The following INTS4 variants were observed in gnomAD, a reference collection of about 807,000 sequenced individuals.
The protein encoded by INTS4 is MSTP093.
A neutral mutation model predicts 119.5 loss-of-function variants in INTS4; 70 were observed. The ratio of observed to expected loss-of-function variants is 0.59; its 90% CI spans 0.48 to 0.71. The LOEUF is 0.71. Among genes scored for constraint, INTS4 ranks in the 30% least tolerant of loss-of-function variants. INTS4 has a pLI of 0.00. For missense variants in INTS4, 867 were observed against 1,173.2 expected, an observed-to-expected ratio of 0.74 and a Z score of 3.81; for synonymous variants, 316 against 419.6, an observed-to-expected ratio of 0.75 and a Z score of 3.02.
chr11:77,934,887 T>C (rs1591076465), intron 10 of INTS4, among the ~76,000 whole-genome samples: 1 of 152,196 alleles, frequency 6.6e-6, no homozygotes, highest in African/African-American at 2.4e-5. Flanking sequence ...GATGAAAAAC[T>C]TTCTTTCAAA....
Position 77,894,290 on chromosome 11 carries a change from C to A in INTS4, c.2288G>T (p.Arg763Met). The A allele has an allele frequency of 2.0e-6, 3 of 1,506,822 alleles. No individual in the cohort carries two copies. Among genetic ancestry groups the A allele is most frequent in the Non-Finnish European group, 2.8e-6 (3 of 1,089,134 alleles). The allele number at this position is 1,506,822 out of a possible 1,614,324, so 93.3% of individuals were successfully genotyped here. A position where few individuals can be genotyped will look rare whatever the true frequency, so the allele number is the denominator to read the frequency against. Residue 763 changes from arginine (R) to methionine (M), a missense_variant and splice_region_variant, in exon 19 of 23, where the codon AGG (arginine) becomes ATG (methionine). Around this residue, in one of 5 missense-constraint regions of INTS4, gnomAD observed 262 missense variants for 376.0 expected, o/e 0.70. Transcript: ENST00000534064. ...GCCAGAAGAGTTATAAAATACTTAC[C>A]TCTGAAAAAAGTCTACTTCCTGTAA... ...KFLQEVDFFQ[R>M]YFIADLPHLQ...
intron 4 of INTS4, among the ~76,000 whole-genome samples, chr11:77,965,813 C>T (rs1287980705): frequency 6.6e-6 from 1 of 152,230 alleles, no homozygotes; most frequent in Non-Finnish European, 1.5e-5. Context: ...CTTCAACATA[C>T]TGATTTCAAT....
intron 4 of INTS4, among the ~76,000 whole-genome samples, chr11:77,970,862 A>C (rs973431885): frequency 8.5e-5 from 13 of 152,126 alleles, no homozygotes; most frequent in African/African-American, 2.9e-4. Flanking sequence ...CCCAGGCTGG[A>C]ATGCAATGGG....
At chr11:77,960,221 T>C (rs1194787717) in intron 6 of INTS4, 120 bp downstream of exon 6, 5 of 656,868 alleles carry the variant, frequency 7.6e-6, no homozygotes, top group African/African-American at 7.2e-5. Context: ...TCCATCCCAA[T>C]CAACGCTGCC....
intron 7 of INTS4, among the ~76,000 whole-genome samples, chr11:77,957,153 A>T (rs181398781): frequency 1.4e-4 from 22 of 152,230 alleles, no homozygotes; most frequent in African/African-American, 5.1e-4. Context: ...GGCTGATCTC[A>T]AACTCCTGAG....
chr11:77,907,739 C>T lies in INTS4; in HGVS notation c.1994G>A (p.Arg665His), dbSNP rs867570154. The change falls in exon 16 of 23, where the codon CGC (arginine) becomes CAC (histidine). Residue 665 changes from arginine (R) to histidine (H), a missense_variant. This residue lies in a region of INTS4 where 262 missense variants were observed against 376.0 expected (regional missense o/e 0.70). Coordinates refer to ENST00000534064, the MANE Select transcript of INTS4 (RefSeq NM_033547.4). ...AACCTTGATGAGAAGTAGTTGACAG[C>T]GAAGATAGGTGGCAGAGAAATCAGC... ...GVADFSATYL[R>H]CQLLLIKALQ... 1.5e-5 allele frequency: 24 copies of T among 1,613,120 alleles called. No homozygotes were observed. Among genetic ancestry groups the T allele is most frequent in the Middle Eastern group, 1.6e-4 (1 of 6,082 alleles).
intron 21 of INTS4, among the ~76,000 whole-genome samples, chr11:77,886,822 A>C: frequency 6.6e-6 from 1 of 152,150 alleles, no homozygotes; most frequent in East Asian, 1.9e-4. Flanking sequence ...CTACATGGAA[A>C]CTGAACAACC....
Position 77,921,370 on chromosome 11 carries a change from G to C in INTS4, c.1734C>G (p.Asp578Glu). ...AGGCAGGAACAAGATGAGAAAGACT[G>C]TCTCGGAGGTAGGCATAGTGCCTGA... ...HTFRHYAYLRDSLSHLVPALR... is the reference protein window; with the variant it reads ...HTFRHYAYLRESLSHLVPALR... Residue 578 changes from aspartate (D) to glutamate (E), a missense_variant, in exon 14 of 23, where the codon GAC becomes GAG. By Grantham distance (45) the Asp-to-Glu change is conservative (BLOSUM62 2). This residue lies in a region of INTS4 where 262 missense variants were observed against 376.0 expected (regional missense o/e 0.70). Transcript: ENST00000534064. 1 of 1,613,530 alleles carries C rather than the reference G, an allele frequency of 6.2e-7. No homozygotes were observed. The highest frequency in any genetic ancestry group is 8.5e-7 in the Non-Finnish European group (1 of 1,179,478).
rs1308839091 is a variant in INTS4, at chr11:77,926,801, G to A, written c.1371+1541C>T. Among the ~76,000 whole-genome samples the A allele has an allele frequency of 3.4e-5, 4 of 118,130 alleles. No individual in the cohort carries two copies. In the Admixed American group the frequency reaches 4.3e-4, roughly 13 times the overall value. 77.5% of individuals were successfully genotyped at this position (118,130 alleles called of 152,430 possible). A position where few individuals can be genotyped will look rare whatever the true frequency, so the allele number is the denominator to read the frequency against. On this transcript the variant is annotated intron_variant, in intron 11 of 22. Transcript: ENST00000534064. ...CACTCCACCCTGGGGAACAGAGCGA[G>A]ACTCAGCCTCAAAAAAAAAAAAAAA...
intron 4 of INTS4, chr11:77,978,245 C>G (rs972033938): frequency 1.3e-5 from 2 of 151,990 alleles, no homozygotes; most frequent in Non-Finnish European, 2.9e-5. Flanking sequence ...TTTATGTATG[C>G]CTGTTGTTTT....
rs578027406 is a variant in INTS4, at chr11:77,899,513, A to G, written c.2228+1908T>C. ...ATGGTGAAACCCGTCTCTACTGAAA[A>G]TACAAAATTAGCCGGGCATGGTGTT... On this transcript the variant is annotated intron_variant, in intron 18 of 22. Transcript: ENST00000534064. 2.6e-5 allele frequency among the ~76,000 whole-genome samples: 4 copies of G among 152,006 alleles called. No individual in the cohort carries two copies. The East Asian group carries it at 7.7e-4, about 29-fold the overall frequency.
At chr11:77,981,321 A>G (rs1856209692) in intron 3 of INTS4, 138 bp downstream of exon 3, 2 of 416,596 alleles carry the variant, frequency 4.8e-6, no homozygotes, top group African/African-American at 2.0e-5. Context: ...TAATGTAAAT[A>G]TGTATATATG....
chr11:77,883,849 G>C lies in INTS4; in HGVS notation c.2696C>G (p.Ser899Cys), dbSNP rs757881473. The change falls in exon 22 of 23, where the codon TCC (serine) becomes TGC (cysteine). Residue 899 changes from serine to cysteine, a missense_variant. Around this residue, in one of 5 missense-constraint regions of INTS4, gnomAD observed 122 missense variants for 133.2 expected, o/e 0.92. Coordinates refer to ENST00000534064, the MANE Select transcript of INTS4 (RefSeq NM_033547.4). The part of the protein sequence containing the change: ...RHRLITQVYL[S>C]HTAWTEACQV... ...CTCCTTACCTGTCCAAGCGGTGTGG[G>C]AGAGATAAACCTGAGTGATGAGCCG... 1 of 1,612,886 alleles carries C rather than the reference G, an allele frequency of 6.2e-7. No individual in the cohort carries two copies. Among genetic ancestry groups the C allele is most frequent in the Non-Finnish European group, 8.5e-7 (1 of 1,179,486 alleles).
At chr11:77,949,516 T>A (rs1954134061) in intron 8 of INTS4, among the ~76,000 whole-genome samples, 2 of 117,856 alleles carry the variant, frequency 1.7e-5, no homozygotes, top group Non-Finnish European at 3.6e-5. Flanking sequence ...TTAAACAAAT[T>A]TACAAAAAAA....
chr11:77,954,294 T>A (rs656927), intron 8 of INTS4, among the ~76,000 whole-genome samples: 57,664 of 150,326 alleles, frequency 0.38, 11,127 homozygotes, highest in African/African-American at 0.43. Context: ...AAAAAAAAAA[T>A]TTTTTTTTAA....
intron 4 of INTS4, among the ~76,000 whole-genome samples, chr11:77,970,372 T>C (rs544200842): frequency 1.3e-4 from 19 of 151,816 alleles, no homozygotes; most frequent in Middle Eastern, 3.5e-3. Context: ...GCACTCCAGC[T>C]TGGGTGACAG....
chr11:77,912,625 GA>G (rs1378411771), intron 15 of INTS4, among the ~76,000 whole-genome samples: 7 of 151,958 alleles, frequency 4.6e-5, no homozygotes, highest in African/African-American at 7.3e-5. Context: ...CAATCTCTTA[GA>G]ATCTCTAAAA....
At position 77,891,436 on chromosome 11, in the gene INTS4, G is replaced by A. The variant is rs149854391; in HGVS notation, c.2475C>T (p.Ile825=). 2.2e-3 allele frequency: 3,483 copies of A among 1,613,606 alleles called. 5 individuals are homozygous for A. Among genetic ancestry groups the A allele is most frequent in the Non-Finnish European group, 2.7e-3 (3,236 of 1,179,682 alleles). ...GGTTGTCTGACTCGCCCGCTGGCTC[G>A]ATGATGGTGGCTGAGGCTTTGTGGA... ...EQIHKASATI[I]EPAGESDNPL... Residue 825 remains isoleucine (I), a synonymous_variant, in exon 21 of 23, where the codon ATC becomes ATT. Coordinates refer to ENST00000534064, the MANE Select transcript of INTS4 (RefSeq NM_033547.4).
At chr11:77,977,920 C>T (rs1008268560) in intron 4 of INTS4, 1 of 151,440 alleles carries the variant, frequency 6.6e-6, no homozygotes, top group Admixed American at 6.6e-5. Context: ...GACAGAGTCT[C>T]ACTCTATCAC....
Sources: gnomAD v4.1 joint callset for allele counts (sites outside exome capture counted in the v4.1 genomes callset) on GRCh38, gnomAD v4.1.1 for gene constraint, gnomAD v4.1.1 regional missense constraint, MANE v1.5 for transcripts, NCBI Gene and HGNC (gene_info 2026-07-23, HGNC 2026-07-21) for gene names.